The following WFDC2 variants were observed in gnomAD, a reference collection of about 807,000 sequenced individuals.
WFDC2 encodes the protein WAP four-disulfide core domain 2, also known as WAP four-disulfide core domain protein 2.
A neutral mutation model predicts 12.5 loss-of-function variants in WFDC2; 8 were observed. That is an observed-to-expected ratio of 0.64 (90% CI 0.37 to 1.15). The LOEUF is 1.15. WFDC2 is among the 50% of genes most tolerant of loss of function. The pLI is 0.01. For synonymous variants in WFDC2, 74 were observed against 67.2 expected, an observed-to-expected ratio of 1.10 and a Z score of -0.49; for missense variants, 166 against 159.9, an observed-to-expected ratio of 1.04 and a Z score of -0.21.
chr20:45,477,924 C>T (rs1306810439), intron 2 of WFDC2, among the ~76,000 whole-genome samples: 1 of 152,222 alleles, frequency 6.6e-6, no homozygotes, highest in East Asian at 1.9e-4. Context: ...TTGGGCTCTG[C>T]CCAGTTTGAA....
At position 45,470,309 on chromosome 20, in the gene WFDC2, A is replaced by T; in HGVS notation, c.80-80A>T. The T allele has an allele frequency of 6.7e-7, 1 of 1,489,482 alleles. No individual in the cohort carries two copies. The highest frequency in any genetic ancestry group is 1.3e-5 in the South Asian group (1 of 75,592). 92.3% of individuals were successfully genotyped at this position (1,489,482 alleles called of 1,614,324 possible). On this transcript the variant is annotated intron_variant, in intron 1 of 3. Transcript: ENST00000372676. The surrounding 1 kb of genome is among the most constrained non-coding windows in gnomAD (Gnocchi z 5.4). ...CAGAGACTGAGAATTCCTTGGGGTT[A>T]AGGTTTGGAGCAGGAGGTGGGCATC...
In WFDC2 at chr20:45,480,065, A is replaced by G; in HGVS notation, c.347A>G (p.Lys116Arg). 1.9e-6 allele frequency: 3 copies of G among 1,614,234 alleles called. No homozygotes were observed. Among genetic ancestry groups the G allele is most frequent in the Non-Finnish European group, 2.5e-6 (3 of 1,180,040 alleles). Reference sequence around the variant, plus strand: ...AAATGCTGCCGCAATGGCTGTGGGAAGGTGTCCTGTGTCACTCCCAATTTC... The same window carrying G: ...AAATGCTGCCGCAATGGCTGTGGGAGGGTGTCCTGTGTCACTCCCAATTTC... ...QMKCCRNGCG[K>R]VSCVTPNF Residue 116 changes from lysine (K) to arginine (R), a missense_variant, in exon 3 of 4, where the codon AAG becomes AGG. Lys to Arg is a conservative substitution (Grantham distance 26). Transcript: ENST00000372676.
At position 45,470,378 on chromosome 20, in the gene WFDC2, TC is replaced by T; in HGVS notation, c.80-7del. On this transcript the variant is annotated splice_polypyrimidine_tract_variant and intron_variant, in intron 1 of 3. Transcript: ENST00000372676. The surrounding 1 kb of genome is among the most constrained non-coding windows in gnomAD (Gnocchi z 5.4). The stretch of plus-strand genomic sequence containing the variant: ...GCCCCACCCTCGACTGTCCCGGGCC[TC>T]CCCTCCCAGGCACAGGAGCAGAGAA... The T allele has an allele frequency of 6.3e-7, 1 of 1,575,702 alleles. No homozygotes were observed. Among genetic ancestry groups the T allele is most frequent in the Non-Finnish European group, 8.6e-7 (1 of 1,159,646 alleles).
At position 45,480,081 on chromosome 20, in the gene WFDC2, T is replaced by C. The variant is rs762460070; in HGVS notation, c.363T>C (p.Thr121=). 3.1e-6 allele frequency: 5 copies of C among 1,613,954 alleles called. No homozygotes were observed. The highest frequency in any genetic ancestry group is 4.2e-6 in the Non-Finnish European group (5 of 1,179,858). Residue 121 remains threonine, a synonymous_variant, in exon 3 of 4, where the codon ACT becomes ACC. Coordinates refer to ENST00000372676, the MANE Select transcript of WFDC2 (RefSeq NM_006103.4). ...RNGCGKVSCV[T]PNF is the part of the protein sequence containing the mutation. ...GCTGTGGGAAGGTGTCCTGTGTCAC[T>C]CCCAATTTCTGAGGTAAGTGAACGG...
chr20:45,469,851 C>G lies in WFDC2; in HGVS notation c.70C>G (p.Leu24Val), dbSNP rs773479617. The G allele has an allele frequency of 5.0e-6, 8 of 1,609,358 alleles. No homozygotes were observed. The highest frequency in any genetic ancestry group is 6.8e-6 in the Non-Finnish European group (8 of 1,178,268). The stretch of plus-strand genomic sequence containing the variant: ...CAGCCTGCTGCTGTTCGGCTTCACC[C>G]TAGTCTCAGGTGAGTGGGGCGGGGA... ...LLSLLLFGFT[L>V]VSGTGAEKTG... The change falls in exon 1 of 4, where the codon CTA becomes GTA. Residue 24 changes from leucine to valine, a missense_variant. Coordinates refer to ENST00000372676, the MANE Select transcript of WFDC2 (RefSeq NM_006103.4).
In WFDC2 at chr20:45,470,851, G is replaced by A. The variant is rs1436492192; in HGVS notation, c.223+319G>A. ...GACCCGGGGCCGCAGTTTCCTTCTCGAACCGGCCGAAGCCTGCCCTGCGGG... is the reference window on the plus strand; with the variant it reads ...GACCCGGGGCCGCAGTTTCCTTCTCAAACCGGCCGAAGCCTGCCCTGCGGG... On this transcript the variant is annotated intron_variant, in intron 2 of 3. Transcript: ENST00000372676. This position sits in a 1 kb window ranked among gnomAD's most constrained non-coding sequence, Gnocchi z 5.4. Among the ~76,000 whole-genome samples, 2 of 152,110 alleles carry A rather than the reference G, an allele frequency of 1.3e-5. No homozygotes were observed. The highest frequency in any genetic ancestry group is 2.9e-5 in the Non-Finnish European group (2 of 67,994).
At chr20:45,476,403 T>C (rs1051193244) in intron 2 of WFDC2, among the ~76,000 whole-genome samples, 4 of 152,252 alleles carry the variant, frequency 2.6e-5, no homozygotes, top group Non-Finnish European at 4.4e-5. Flanking sequence ...TTTGTTTGTC[T>C]ATAAAGGATT....
chr20:45,479,105 T>TTG (rs924748485), intron 2 of WFDC2, among the ~76,000 whole-genome samples: 7 of 152,030 alleles, frequency 4.6e-5, no homozygotes, highest in Admixed American at 1.3e-4. Context: ...TGGAGTGTGA[T>TTG]TGTGTGTGTG....
In WFDC2 at chr20:45,470,342, G is replaced by C. The variant is rs754939378; in HGVS notation, c.80-47G>C. ...GAGCAGGAGGTGGGCATCCTCTGGG[G>C]CTGGCGCTACGCCCCACCCTCGACT... On this transcript the variant is annotated intron_variant, in intron 1 of 3. Transcript: ENST00000372676. This position sits in a 1 kb window ranked among gnomAD's most constrained non-coding sequence, Gnocchi z 5.4. 6.5e-7 allele frequency: 1 copy of C among 1,537,548 alleles called. No homozygotes were observed. The highest frequency in any genetic ancestry group is 8.8e-7 in the Non-Finnish European group (1 of 1,138,262).
At chr20:45,473,700 TTTTTTC>T (rs2145503100) in intron 2 of WFDC2, among the ~76,000 whole-genome samples, 1 of 152,310 alleles carries the variant, frequency 6.6e-6, no homozygotes, top group Non-Finnish European at 1.5e-5. Flanking sequence ...TTTAAAGTCG[TTTTTTC>T]TAATTCTGTG....
At chr20:45,478,148 C>G (rs1280784822) in intron 2 of WFDC2, among the ~76,000 whole-genome samples, 1 of 152,140 alleles carries the variant, frequency 6.6e-6, no homozygotes, top group Non-Finnish European at 1.5e-5. Flanking sequence ...CTAGCTTCAG[C>G]CCCCTTTCCA....
intron 2 of WFDC2, among the ~76,000 whole-genome samples, chr20:45,478,618 G>C (rs1375635031): frequency 6.6e-6 from 1 of 152,048 alleles, no homozygotes; most frequent in Non-Finnish European, 1.5e-5. Context: ...CATCTTGAAA[G>C]CTGAACCTAA....
Position 45,479,923 on chromosome 20 carries a change from T to G in WFDC2, c.224-19T>G. Reference sequence around the variant, plus strand: ...TGTATCGCCTCTGCCCACTTACCCTTACTCCTTTTTCTACCCAGATAAGGA... The same window carrying G: ...TGTATCGCCTCTGCCCACTTACCCTGACTCCTTTTTCTACCCAGATAAGGA... On this transcript the variant is annotated intron_variant, in intron 2 of 3. Transcript: ENST00000372676. The G allele has an allele frequency of 6.2e-7, 1 of 1,614,222 alleles. No individual in the cohort carries two copies. Among genetic ancestry groups the G allele is most frequent in the Non-Finnish European group, 8.5e-7 (1 of 1,180,036 alleles).
Position 45,470,596 on chromosome 20 carries a change from G to T in WFDC2, c.223+64G>T. ...GCGCTGGGCTGGGAGGAGGTGGGAG[G>T]GCCCGGGTTCCGGGAACAGGGGCGC... On this transcript the variant is annotated intron_variant, in intron 2 of 3. Transcript: ENST00000372676. The surrounding 1 kb of genome is among the most constrained non-coding windows in gnomAD (Gnocchi z 5.4). 6.7e-7 allele frequency: 1 copy of T among 1,491,492 alleles called. No homozygotes were observed. Among genetic ancestry groups the T allele is most frequent in the South Asian group, 1.3e-5 (1 of 75,854 alleles). 92.4% of individuals were successfully genotyped at this position (1,491,492 alleles called of 1,614,324 possible). A position where few individuals can be genotyped will look rare whatever the true frequency, so the allele number is the denominator to read the frequency against.
intron 2 of WFDC2, 92 bp from the exon 3 acceptor site, chr20:45,479,850 A>G (rs1991278746): frequency 1.2e-6 from 2 of 1,613,886 alleles, no homozygotes; most frequent in Non-Finnish European, 1.7e-6. Context: ...TGTGAAGCCC[A>G]GTGAGGGGCA....
rs1991139102 is a variant in WFDC2, at chr20:45,469,753, A to C, written c.-29A>C. The C allele has an allele frequency of 6.3e-7, 1 of 1,589,784 alleles. No homozygotes were observed. Among genetic ancestry groups the C allele is most frequent in the Admixed American group, 1.7e-5 (1 of 57,468 alleles). ...AATCCCCGCACCTGAGCATCGGCTCACACCTGCACCCCGCCCGGGCATAGC... is the reference window on the plus strand; with the variant it reads ...AATCCCCGCACCTGAGCATCGGCTCCCACCTGCACCCCGCCCGGGCATAGC... On this transcript the variant is annotated 5_prime_UTR_variant, in exon 1 of 4. Coordinates refer to ENST00000372676, the MANE Select transcript of WFDC2 (RefSeq NM_006103.4).
At chr20:45,471,560 G>C (rs374371412) in intron 2 of WFDC2, 14 of 155,480 alleles carry the variant, frequency 9.0e-5, no homozygotes, top group African/African-American at 3.4e-4. Context: ...GGTAAGTGGA[G>C]GGGGACTGGC....
chr20:45,479,507 C>G, intron 2 of WFDC2: 1 of 651,882 alleles, frequency 1.5e-6, no homozygotes. Context: ...GGGCTTGATA[C>G]CTGGCATGTA....
At chr20:45,479,035 G>A (rs73907981) in intron 2 of WFDC2, among the ~76,000 whole-genome samples, 6,046 of 152,318 alleles carry the variant, frequency 0.04, 248 homozygotes, top group East Asian at 0.19. Context: ...CAACCATGAT[G>A]TACCTCAGTT....
Sources: gnomAD v4.1 joint callset for allele counts (sites outside exome capture counted in the v4.1 genomes callset) on GRCh38, gnomAD v4.1.1 for gene constraint, Gnocchi (gnomAD v3.1) non-coding constraint, MANE v1.5 for transcripts, NCBI Gene and HGNC (gene_info 2026-07-23, HGNC 2026-07-21) for gene names.